CACNA1G: variants seen among roughly 807,000 people sequenced by gnomAD.
CACNA1G encodes the protein voltage-dependent T-type calcium channel subunit alpha-1G.
CACNA1G carries 67 observed loss-of-function variants against 219.4 expected under a neutral mutation model. That is an observed-to-expected ratio of 0.31 (90% CI 0.25 to 0.37). CACNA1G has a LOEUF of 0.37. Ranked by LOEUF, CACNA1G falls within the 10% of genes least tolerant of loss-of-function variation. The pLI, the probability that CACNA1G is intolerant of heterozygous loss-of-function variation, is 1.00. For missense variants in CACNA1G, 2,380 were observed against 3,231.4 expected, an observed-to-expected ratio of 0.74 and a Z score of 6.39; for synonymous variants, 1,296 against 1,345.3, an observed-to-expected ratio of 0.96 and a Z score of 0.80.
chr17:50,581,528 C>T (rs542725159), intron 9 of CACNA1G, among the ~76,000 whole-genome samples: 107 of 152,250 alleles, frequency 7.0e-4, no homozygotes, highest in African/African-American at 2.5e-3. Context: ...ACTCATCATT[C>T]GCTTGTCCCG....
chr17:50,614,251 T>G (rs544811208), intron 26 of CACNA1G, among the ~76,000 whole-genome samples: 6 of 152,294 alleles, frequency 3.9e-5, no homozygotes, highest in African/African-American at 9.6e-5. Context: ...AGCTTCCTGC[T>G]GCCCCTAAGC....
At chr17:50,563,435 C>G (rs1439590537) in intron 1 of CACNA1G, among the ~76,000 whole-genome samples, 2 of 152,190 alleles carry the variant, frequency 1.3e-5, no homozygotes, top group African/African-American at 4.8e-5. Flanking sequence ...CTCCTCTCTG[C>G]CCCTAATCAT....
intron 35 of CACNA1G, among the ~76,000 whole-genome samples, chr17:50,622,382 T>C (rs925972961): frequency 6.6e-6 from 1 of 151,932 alleles, no homozygotes; most frequent in African/African-American, 2.4e-5. Flanking sequence ...CCCTACCCTT[T>C]CCCTTCTCCA....
chr17:50,625,340 T>C (rs1448446292), intron 37 of CACNA1G, among the ~76,000 whole-genome samples: 1 of 152,236 alleles, frequency 6.6e-6, no homozygotes, highest in African/African-American at 2.4e-5. Flanking sequence ...CAATCCCACA[T>C]GCTTGGGGGA....
In CACNA1G at chr17:50,578,074, A is replaced by C; in HGVS notation, c.1925-114A>C. On this transcript the variant is annotated intron_variant, in intron 8 of 37. Transcript: ENST00000359106. The surrounding 1 kb of genome is among the most constrained non-coding windows in gnomAD (Gnocchi z 4.5). ...ACCCCTGGCCCACTAAGTGCCTAGC[A>C]CCCCATCACTGTAACAACCCCAGAC... is the stretch of plus-strand genomic sequence containing the variant. The C allele has an allele frequency of 7.8e-7, 1 of 1,289,570 alleles. No homozygotes were observed. Among genetic ancestry groups the C allele is most frequent in the Non-Finnish European group, 1.0e-6 (1 of 964,478 alleles). The allele number at this position is 1,289,570 out of a possible 1,614,324, so 79.9% of individuals were successfully genotyped here.
At chr17:50,610,051 A>AG in intron 26 of CACNA1G, 116 bp downstream of exon 26, 1 of 1,002,700 alleles carries the variant, frequency 1.0e-6, no homozygotes, top group East Asian at 2.6e-5. Context: ...GGGGCCCCCA[A>AG]GAGGGCAGGG....
intron 9 of CACNA1G, among the ~76,000 whole-genome samples, chr17:50,587,818 TCTC>T (rs1357220732): frequency 6.6e-6 from 1 of 151,614 alleles, no homozygotes; most frequent in African/African-American, 2.4e-5. Context: ...ACGGCAGGCT[TCTC>T]AGGAGCCTGG....
intron 4 of CACNA1G, among the ~76,000 whole-genome samples, chr17:50,570,557 C>CTGTGTGTGTGTGTG (rs3062844): frequency 0.04 from 5,278 of 132,592 alleles, 171 homozygotes; most frequent in South Asian, 0.077. Flanking sequence ...CCCCTGCGCT[C>CTGTGTGTGTGTGTG]TGTGTGTGTG....
At chr17:50,579,058 G>T (rs1598203663) in intron 9 of CACNA1G, among the ~76,000 whole-genome samples, 1 of 152,124 alleles carries the variant, frequency 6.6e-6, no homozygotes, top group South Asian at 2.1e-4. Flanking sequence ...ATGAAGGCCT[G>T]TTGGGGTCAG....
intron 26 of CACNA1G, among the ~76,000 whole-genome samples, chr17:50,610,246 C>T (rs1428073085): frequency 1.3e-5 from 2 of 152,208 alleles, no homozygotes; most frequent in Non-Finnish European, 2.9e-5. Context: ...TGTAGCTCAC[C>T]GGTCGATTAT....
At chr17:50,595,128 C>T (rs1042542465) in intron 14 of CACNA1G, 67 bp downstream of exon 14, 15 of 1,196,666 alleles carry the variant, frequency 1.3e-5, no homozygotes, top group South Asian at 3.9e-5. Flanking sequence ...ACTCCGCCTC[C>T]GTGTCTCTGT....
rs537811522 is a variant in CACNA1G at position 50,596,679 on chromosome 17, C to G, written c.3064+33C>G. The G allele has an allele frequency of 3.1e-6, 5 of 1,613,492 alleles. No homozygotes were observed. The South Asian group carries it at 5.5e-5, about 18-fold the overall frequency. On this transcript the variant is annotated intron_variant, in intron 15 of 37. Coordinates refer to ENST00000359106, the MANE Select transcript of CACNA1G (RefSeq NM_018896.5). The surrounding 1 kb of genome is among the most constrained non-coding windows in gnomAD (Gnocchi z 4.8). ...CCTATCCTGGGGTGCGACTTTTGGCCCTGGGCCAGCCCTGTGTGGACTCGG... is the reference window on the plus strand; with the variant it reads ...CCTATCCTGGGGTGCGACTTTTGGCGCTGGGCCAGCCCTGTGTGGACTCGG...
chr17:50,599,326 A>G (rs532282017), intron 16 of CACNA1G, 102 bp from the exon 17 acceptor site: 6 of 1,065,836 alleles, frequency 5.6e-6, no homozygotes, highest in Non-Finnish European at 2.6e-6. Context: ...ACATCCCTAC[A>G]CTTGATGTGA....
At position 50,626,003 on chromosome 17, in the gene CACNA1G, C is replaced by CTT; in HGVS notation, c.6400-14_6400-13insTT. The CTT allele has an allele frequency of 6.3e-7, 1 of 1,589,904 alleles. No individual in the cohort carries two copies. The highest frequency in any genetic ancestry group is 2.2e-5 in the East Asian group (1 of 44,468). ...AGGAGACTGCTGGGCTGAGCCCTCC[C>CTT]CCACCCCATATAGGCAGCAATAAGG... On this transcript the variant is annotated splice_polypyrimidine_tract_variant and intron_variant, in intron 37 of 37. Coordinates refer to ENST00000359106, the MANE Select transcript of CACNA1G (RefSeq NM_018896.5). The surrounding 1 kb of genome is among the most constrained non-coding windows in gnomAD (Gnocchi z 4.3).
Position 50,576,151 on chromosome 17 carries a change from T to G in CACNA1G, c.1749T>G (p.Thr583=). The G allele has an allele frequency of 1.2e-6, 2 of 1,608,744 alleles. No individual in the cohort carries two copies. The highest frequency in any genetic ancestry group is 1.7e-6 in the Non-Finnish European group (2 of 1,178,204). ...PRSPSEASGR[T]VGSGKVYPTV... ...CCCCATCTGAGGCATCCGGCAGGACTGTGGGCAGCGGGAAGGTGTATCCCA... is the reference window on the plus strand; with the variant it reads ...CCCCATCTGAGGCATCCGGCAGGACGGTGGGCAGCGGGAAGGTGTATCCCA... The change falls in exon 8 of 38, where the codon ACT becomes ACG. Residue 583 remains threonine (T), a synonymous_variant. Coordinates refer to ENST00000359106, the MANE Select transcript of CACNA1G (RefSeq NM_018896.5).
At chr17:50,597,113 G>A (rs1282584905) in intron 16 of CACNA1G, among the ~76,000 whole-genome samples, 190 bp downstream of exon 16, 1 of 152,146 alleles carries the variant, frequency 6.6e-6, no homozygotes, top group African/African-American at 2.4e-5. Flanking sequence ...GCCCTAGCCT[G>A]GGGGCTGAAA....
In CACNA1G at chr17:50,580,716, T is replaced by G. The variant is rs908067685; in HGVS notation, c.2301+2152T>G. On this transcript the variant is annotated intron_variant, in intron 9 of 37. Transcript: ENST00000359106. Reference sequence around the variant, plus strand: ...GAGGCCTCACTCAGTGACAGCAGTGTCTGCTCCAGGGAGGGTTTTGTCCGC... The same window carrying G: ...GAGGCCTCACTCAGTGACAGCAGTGGCTGCTCCAGGGAGGGTTTTGTCCGC... Among the ~76,000 whole-genome samples, 8 of 152,244 alleles carry G rather than the reference T, an allele frequency of 5.3e-5. No individual in the cohort carries two copies. The East Asian group carries it at 1.6e-3, about 30-fold the overall frequency.
At chr17:50,567,956 C>G (rs994663569) in intron 1 of CACNA1G, among the ~76,000 whole-genome samples, 3 of 152,070 alleles carry the variant, frequency 2.0e-5, no homozygotes, top group African/African-American at 7.2e-5. Flanking sequence ...GCGGCAATGG[C>G]CTCTTGGGGG....
rs1568123991 is a variant in CACNA1G at position 50,602,821 on chromosome 17, A to G, written c.3917A>G (p.Glu1306Gly). The G allele has an allele frequency of 6.2e-7, 1 of 1,613,734 alleles. No homozygotes were observed. The highest frequency in any genetic ancestry group is 1.1e-5 in the South Asian group (1 of 91,046). Residue 1306 changes from glutamate to glycine, a missense_variant and splice_region_variant, in exon 20 of 38, where the codon GAA becomes GGA. Physicochemically the swap from Glu to Gly is moderately conservative, Grantham distance 98. Transcript: ENST00000359106. Reference sequence around the variant, plus strand: ...ACCCCTGCCTCCCCTCTCTTGCAGGAACGCATCTTCCTGACCCTCTCCAAT... The same window carrying G: ...ACCCCTGCCTCCCCTCTCTTGCAGGGACGCATCTTCCTGACCCTCTCCAAT... ...ERPKIDPHSA[E>G]RIFLTLSNYI...
Sources: gnomAD v4.1 joint callset for allele counts (sites outside exome capture counted in the v4.1 genomes callset) on GRCh38, gnomAD v4.1.1 for gene constraint, Gnocchi (gnomAD v3.1) non-coding constraint, MANE v1.5 for transcripts, NCBI Gene and HGNC (gene_info 2026-07-23, HGNC 2026-07-21) for gene names.